FCGR2B: variants seen among roughly 807,000 people sequenced by gnomAD.
FCGR2B encodes low affinity immunoglobulin gamma Fc region receptor II-b.
In FCGR2B, 18 loss-of-function variants were observed where a neutral mutation model predicts 24.8. That is an observed-to-expected ratio of 0.73 (90% CI 0.50 to 1.08). FCGR2B has a LOEUF of 1.08. Ranked by LOEUF, FCGR2B falls within the 50% of genes least tolerant of loss-of-function variation. The pLI, the probability that FCGR2B is intolerant of heterozygous loss-of-function variation, is 0.00. For missense variants in FCGR2B, 215 were observed against 297.6 expected, an observed-to-expected ratio of 0.72 and a Z score of 2.04; for synonymous variants, 79 against 109.8, an observed-to-expected ratio of 0.72 and a Z score of 1.75.
upstream of FCGR2B, among the ~76,000 whole-genome samples, chr1:161,661,258 GA>G (rs1192245298): frequency 9.0e-3 from 281 of 31,264 alleles, 23 homozygotes; most frequent in Middle Eastern, 0.024. Context: ...AAGAAAGAAA[GA>G]AAGGAAGGAA....
the FCGR2B span, among the ~76,000 whole-genome samples, chr1:161,652,561 G>T: frequency 1.5e-5 from 2 of 134,654 alleles, no homozygotes; most frequent in Non-Finnish European, 1.7e-5. Context: ...GTAATTAATG[G>T]TTTGATTTTA....
chr1:161,674,393 A>G, intron 5 of FCGR2B: 1 of 363,698 alleles, frequency 2.7e-6, no homozygotes, highest in South Asian at 2.2e-5. Context: ...AGGGACATGA[A>G]AAGCCTAGGA....
chr1:161,651,735 G>A, the FCGR2B span, among the ~76,000 whole-genome samples: 2,885 of 118,788 alleles, frequency 0.024, 443 homozygotes, highest in Non-Finnish European at 0.04. Context: ...CGGGAGTTGA[G>A]ACCAGTCTGA....
rs144573139 is a variant in FCGR2B, at chr1:161,671,477, G to A, written c.219G>A (p.Gly73=). The change falls in exon 3 of 8, where the codon GGG becomes GGA. Residue 73 remains glycine, a synonymous_variant. Transcript: ENST00000358671. ...ACTCTGTGACTCTGACATGCCGGGG[G>A]ACTCACAGCCCTGAGAGCGACTCCA... ...QEDSVTLTCR[G]THSPESDSIQ... 11,079 of 1,613,888 alleles carry A rather than the reference G, an allele frequency of 6.9e-3. 2 individuals carry two copies. Among genetic ancestry groups the A allele is most frequent in the Middle Eastern group, 0.016 (95 of 6,060 alleles).
the FCGR2B span, among the ~76,000 whole-genome samples, chr1:161,649,237 G>C: frequency 5.4e-5 from 8 of 148,910 alleles, 1 homozygote; most frequent in African/African-American, 9.9e-5. Flanking sequence ...GAAGAGGATT[G>C]AAAGTAGAAG....
At chr1:161,654,364 G>T in the FCGR2B span, among the ~76,000 whole-genome samples, 4 of 21,126 alleles carry the variant, frequency 1.9e-4, no homozygotes, top group South Asian at 4.7e-3. Flanking sequence ...AGAGATGTTT[G>T]TTTTTTGTTG....
At chr1:161,677,431 A>G (rs557465883) in intron 7 of FCGR2B, 45 bp from the exon 8 acceptor site, 9 of 1,609,366 alleles carry the variant, frequency 5.6e-6, no homozygotes, top group Non-Finnish European at 7.7e-6. Flanking sequence ...CTTCTTTCCT[A>G]GGCCCTCTCT....
chr1:161,650,246 C>T, the FCGR2B span, among the ~76,000 whole-genome samples: 2,428 of 146,576 alleles, frequency 0.017, 226 homozygotes, highest in Non-Finnish European at 0.023. Context: ...CTTGGCCTCC[C>T]ATAGTTCTGG....
At chr1:161,677,192 C>G in intron 6 of FCGR2B, 136 bp from the exon 7 acceptor site, 1 of 818,572 alleles carries the variant, frequency 1.2e-6, no homozygotes, top group Non-Finnish European at 2.1e-6. Flanking sequence ...CAGTGCTTGG[C>G]CTAGAGGCCC....
chr1:161,673,779 G>T (rs1681902250), intron 4 of FCGR2B, 181 bp from the exon 5 acceptor site: 1 of 488,714 alleles, frequency 2.0e-6, no homozygotes, highest in Non-Finnish European at 3.8e-6. Context: ...TCGGTAAGCA[G>T]GAGGCATAAG....
intron 5 of FCGR2B, 39 bp downstream of exon 5, chr1:161,674,112 C>T: frequency 4.9e-6 from 2 of 407,620 alleles, no homozygotes; most frequent in East Asian, 4.0e-5. Context: ...TATCAGTTTC[C>T]ACTTGGCCCA....
rs1412936248 is a variant in FCGR2B, at chr1:161,678,203, G to C, written c.*650G>C. On this transcript the variant is annotated 3_prime_UTR_variant, in exon 8 of 8. Transcript: ENST00000358671. ...GAGAGATGGGGATTTAGAATGTAGA[G>C]TGAGTGCCCCTTTTCTTAAAACTGA... is the stretch of plus-strand genomic sequence containing the variant. 4.5e-6 allele frequency: 1 copy of C among 222,644 alleles called. No homozygotes were observed. The highest frequency in any genetic ancestry group is 2.2e-5 in the African/African-American group (1 of 44,730). 13.8% of individuals were successfully genotyped at this position (222,644 alleles called of 1,614,324 possible). A position where few individuals can be genotyped will look rare whatever the true frequency, so the allele number is the denominator to read the frequency against.
the FCGR2B span, among the ~76,000 whole-genome samples, chr1:161,652,952 C>G: frequency 1.5e-5 from 2 of 134,232 alleles, no homozygotes; most frequent in Admixed American, 1.6e-4. Context: ...CTGCACTACC[C>G]CAACTTTAGG....
chr1:161,649,249 GT>G, the FCGR2B span, among the ~76,000 whole-genome samples: 12,192 of 150,872 alleles, frequency 0.081, 915 homozygotes, highest in East Asian at 0.16. Flanking sequence ...AAGTAGAAGT[GT>G]TATGAAACTC....
At chr1:161,672,752 A>T in intron 3 of FCGR2B, 1 of 716,436 alleles carries the variant, frequency 1.4e-6, no homozygotes. Context: ...GATACATGAC[A>T]CTATCATGCT....
At position 161,671,388 on chromosome 1, in the gene FCGR2B, T is replaced by G; in HGVS notation, c.134-4T>G. ...TCATGCTACCTCCTCTCTCTGCCCC[T>G]CAGCAGCTCCCCCAAAGGCTGTGCT... On this transcript the variant is annotated splice_polypyrimidine_tract_variant and splice_region_variant and intron_variant, in intron 2 of 7. Transcript: ENST00000358671. 1 of 1,614,058 alleles carries G rather than the reference T, an allele frequency of 6.2e-7. No individual in the cohort carries two copies. Among genetic ancestry groups the G allele is most frequent in the Non-Finnish European group, 8.5e-7 (1 of 1,180,012 alleles).
At chr1:161,673,645 T>A in intron 4 of FCGR2B, 1 of 548,384 alleles carries the variant, frequency 1.8e-6, no homozygotes, top group Non-Finnish European at 3.4e-6. Flanking sequence ...CATAGAGTAA[T>A]GATGCCTCCA....
chr1:161,650,642 C>T, the FCGR2B span, among the ~76,000 whole-genome samples: 12,269 of 138,668 alleles, frequency 0.088, 486 homozygotes, highest in Middle Eastern at 0.13. Flanking sequence ...GGGGGCAAAA[C>T]CAACTCTGTT....
chr1:161,661,208 A>C (rs1466598845), upstream of FCGR2B, among the ~76,000 whole-genome samples: 45 of 88,240 alleles, frequency 5.1e-4, 11 homozygotes, highest in Non-Finnish European at 8.5e-4. Flanking sequence ...GAAAGAAAGA[A>C]AGAAAGAAAG....
Sources: gnomAD v4.1 joint callset for allele counts (sites outside exome capture counted in the v4.1 genomes callset) on GRCh38, gnomAD v4.1.1 for gene constraint, MANE v1.5 for transcripts, NCBI Gene and HGNC (gene_info 2026-07-23, HGNC 2026-07-21) for gene names.